The following TRPC1 variants were observed in gnomAD, a reference collection of about 807,000 sequenced individuals.
TRPC1 encodes short transient receptor potential channel 1.
A neutral mutation model predicts 88.2 loss-of-function variants in TRPC1; 42 were observed. The observed-to-expected ratio is 0.48, with a 90% CI of 0.37 to 0.62. The LOEUF is 0.62. Ranked by LOEUF, TRPC1 falls within the 20% of genes least tolerant of loss-of-function variation. TRPC1 has a pLI of 0.00. For synonymous variants in TRPC1, 288 were observed against 331.8 expected (o/e 0.87, Z 1.43); for missense variants, 699 against 957.3 (o/e 0.73, Z 3.56).
Position 142,777,780 on chromosome 3 carries a change from A to T in TRPC1, c.764+17A>T, listed in dbSNP as rs764612300. ...GGAATTCAGGTGGGAATGAATGCAA[A>T]TTATATAATGTATTTTGTTTTAAAT... On this transcript the variant is annotated intron_variant, in intron 5 of 12. Coordinates refer to ENST00000476941, the MANE Select transcript of TRPC1 (RefSeq NM_001251845.2). 1 of 1,600,550 alleles carries T rather than the reference A, an allele frequency of 6.2e-7. No individual in the cohort carries two copies. The highest frequency in any genetic ancestry group is 8.5e-7 in the Non-Finnish European group (1 of 1,174,020).
chr3:142,736,928 G>A lies in TRPC1; in HGVS notation c.327+395G>A, dbSNP rs563307384. On this transcript the variant is annotated intron_variant, in intron 2 of 12. Coordinates refer to ENST00000476941, the MANE Select transcript of TRPC1 (RefSeq NM_001251845.2). Reference sequence around the variant, plus strand: ...TTTTTTCTGGCCCATATTAGTTACAGACACATCAACAAAATGTTCCTGCCT... The same window carrying A: ...TTTTTTCTGGCCCATATTAGTTACAAACACATCAACAAAATGTTCCTGCCT... Among the ~76,000 whole-genome samples, 3 of 152,080 alleles carry A rather than the reference G, an allele frequency of 2.0e-5. No homozygotes were observed. In the South Asian group the frequency reaches 6.2e-4, roughly 32 times the overall value.
chr3:142,750,952 A>T (rs1427868855), intron 4 of TRPC1, among the ~76,000 whole-genome samples: 1 of 152,230 alleles, frequency 6.6e-6, no homozygotes, highest in Non-Finnish European at 1.5e-5. Context: ...TAAAATTTTT[A>T]AAAATTAACA....
intron 8 of TRPC1, among the ~76,000 whole-genome samples, chr3:142,791,644 A>C (rs1444322906): frequency 6.6e-6 from 1 of 152,096 alleles, no homozygotes; most frequent in Non-Finnish European, 1.5e-5. Context: ...AATGAGAACA[A>C]AGTAACTTAA....
chr3:142,784,083 G>A (rs2108124259), intron 6 of TRPC1, among the ~76,000 whole-genome samples: 1 of 152,158 alleles, frequency 6.6e-6, no homozygotes, highest in Non-Finnish European at 1.5e-5. Context: ...GAAATCCGCA[G>A]TGCTTTCTTG....
chr3:142,735,042 G>T (rs1238833534), intron 1 of TRPC1, among the ~76,000 whole-genome samples: 1 of 152,164 alleles, frequency 6.6e-6, no homozygotes, highest in Non-Finnish European at 1.5e-5. Flanking sequence ...TGAAGTGTCT[G>T]TCTGATAAGG....
At chr3:142,739,076 A>T (rs1193830694) in intron 2 of TRPC1, among the ~76,000 whole-genome samples, 1 of 152,040 alleles carries the variant, frequency 6.6e-6, no homozygotes, top group Non-Finnish European at 1.5e-5. Flanking sequence ...GGTTCAAGCG[A>T]TTCTCCTGCC....
rs192380857 is a variant in TRPC1 at position 142,758,725 on chromosome 3, C to T, written c.632+10265C>T. On this transcript the variant is annotated intron_variant, in intron 4 of 12. Transcript: ENST00000476941. ...TAAGTTCTAGGGTACATGTGCATGT[C>T]GTGCAGGTTTGTTACATAGGTATAC... 3.1e-3 allele frequency among the ~76,000 whole-genome samples: 474 copies of T among 151,230 alleles called. 1 individual carries two copies. Among genetic ancestry groups the T allele is most frequent in the Admixed American group, 5.5e-3 (84 of 15,150 alleles).
At chr3:142,737,946 A>G (rs1374203409) in intron 2 of TRPC1, among the ~76,000 whole-genome samples, 2 of 152,242 alleles carry the variant, frequency 1.3e-5, no homozygotes, top group Non-Finnish European at 2.9e-5. Context: ...CATAAGCTTC[A>G]GTTACCTAGA....
chr3:142,751,507 G>A (rs763891706), intron 4 of TRPC1, among the ~76,000 whole-genome samples: 54 of 152,190 alleles, frequency 3.5e-4, no homozygotes, highest in Non-Finnish European at 6.2e-4. Flanking sequence ...AATGATGTTC[G>A]CAAAACGATG....
At chr3:142,770,408 A>T (rs1158272506) in intron 4 of TRPC1, among the ~76,000 whole-genome samples, 1 of 152,048 alleles carries the variant, frequency 6.6e-6, no homozygotes, top group African/African-American at 2.4e-5. Flanking sequence ...TATACATGTT[A>T]TATCTTCCTG....
At chr3:142,805,957 C>G (rs1270844481) in intron 12 of TRPC1, 51 bp from the exon 13 acceptor site, 2 of 1,514,698 alleles carry the variant, frequency 1.3e-6, no homozygotes, top group Non-Finnish European at 9.0e-7. Flanking sequence ...AACTCTACCT[C>G]ATTTAAATAT....
At chr3:142,726,608 T>G (rs927026749) in intron 1 of TRPC1, among the ~76,000 whole-genome samples, 2 of 152,182 alleles carry the variant, frequency 1.3e-5, no homozygotes, top group African/African-American at 2.4e-5. Flanking sequence ...TGAGTTAGAT[T>G]TGGAAAAATA....
chr3:142,760,639 G>A (rs2108073046), intron 4 of TRPC1, among the ~76,000 whole-genome samples: 1 of 152,188 alleles, frequency 6.6e-6, no homozygotes, highest in South Asian at 2.1e-4. Context: ...ATTTTGATAA[G>A]GATTGCATGG....
chr3:142,742,596 C>G (rs150834861), intron 2 of TRPC1, among the ~76,000 whole-genome samples: 1 of 152,060 alleles, frequency 6.6e-6, no homozygotes, highest in Admixed American at 6.5e-5. Flanking sequence ...TTTCCAAGAG[C>G]AAGAACATTG....
intron 2 of TRPC1, among the ~76,000 whole-genome samples, chr3:142,739,121 T>G (rs545214525): frequency 6.6e-6 from 1 of 152,194 alleles, no homozygotes; most frequent in African/African-American, 2.4e-5. Flanking sequence ...ATTATAGGCA[T>G]GCACCATCAC....
chr3:142,735,242 G>A (rs1934084247), intron 1 of TRPC1, among the ~76,000 whole-genome samples: 2 of 152,124 alleles, frequency 1.3e-5, no homozygotes, highest in Non-Finnish European at 2.9e-5. Flanking sequence ...AAAAATAGTA[G>A]CAAATTTACT....
intron 4 of TRPC1, among the ~76,000 whole-genome samples, chr3:142,760,446 A>G (rs1935144374): frequency 1.3e-5 from 2 of 152,054 alleles, no homozygotes; most frequent in African/African-American, 2.4e-5. Context: ...CTATGTGTCT[A>G]TATTTATGCC....
At chr3:142,788,957 T>C (rs972307418) in intron 7 of TRPC1, among the ~76,000 whole-genome samples, 2 of 152,198 alleles carry the variant, frequency 1.3e-5, no homozygotes, top group Non-Finnish European at 2.9e-5. Flanking sequence ...TCTGTCTTTT[T>C]TGATCAACAG....
At chr3:142,764,779 C>G (rs567148366) in intron 4 of TRPC1, among the ~76,000 whole-genome samples, 1 of 152,032 alleles carries the variant, frequency 6.6e-6, no homozygotes, top group Non-Finnish European at 1.5e-5. Context: ...CCTTCCTGTA[C>G]GTGGATATTT....
Sources: gnomAD v4.1 joint callset for allele counts (sites outside exome capture counted in the v4.1 genomes callset) on GRCh38, gnomAD v4.1.1 for gene constraint, MANE v1.5 for transcripts, NCBI Gene and HGNC (gene_info 2026-07-23, HGNC 2026-07-21) for gene names.